The following SKAP1 variants were observed in gnomAD, a reference collection of about 807,000 sequenced individuals.
The protein encoded by SKAP1 is src kinase associated phosphoprotein 1.
In SKAP1, 44 loss-of-function variants were observed where a neutral mutation model predicts 58.5. The ratio of observed to expected loss-of-function variants is 0.75; its 90% CI spans 0.59 to 0.97. SKAP1 has a LOEUF of 0.97. SKAP1 is among the 50% of genes least tolerant of loss of function. The pLI is 0.00. For missense variants in SKAP1, 390 were observed against 435.2 expected (o/e 0.90, Z 0.92); for synonymous variants, 127 against 149.7 (o/e 0.85, Z 1.11).
chr17:48,405,395 T>C (rs902547274), intron 1 of SKAP1, among the ~76,000 whole-genome samples: 4 of 38,454 alleles, frequency 1.0e-4, no homozygotes, highest in Admixed American at 9.4e-4. Flanking sequence ...TCTCTTTCCT[T>C]TCTTTCTTTC....
rs190747405 is a variant in SKAP1 at position 48,147,497 on chromosome 17, C to T, written c.979-10160G>A. ...CATACCCTATGAAATAAATTAAGGG[C>T]TCCAAATCAGCATCCTTCTAACTGC... On this transcript the variant is annotated intron_variant, in intron 11 of 12. Transcript: ENST00000336915. Among the ~76,000 whole-genome samples the T allele has an allele frequency of 9.5e-4, 144 of 152,264 alleles. 1 individual carries two copies. Among genetic ancestry groups the T allele is most frequent in the African/African-American group, 2.7e-3 (114 of 41,548 alleles).
intron 4 of SKAP1, among the ~76,000 whole-genome samples, chr17:48,239,314 A>G (rs2065217435): frequency 6.6e-6 from 1 of 152,308 alleles, no homozygotes; most frequent in African/African-American, 2.4e-5. Context: ...CTCCTCCTGA[A>G]TAAAAAGGGG....
intron 2 of SKAP1, among the ~76,000 whole-genome samples, chr17:48,367,550 G>GGATATATATCCATATATATATATATA (rs2067022661): frequency 7.3e-6 from 1 of 136,174 alleles, no homozygotes; most frequent in Non-Finnish European, 1.6e-5. Flanking sequence ...ATATATATAT[G>GGATATATATCCATATATATATATATA]GATATATATC....
At chr17:48,303,917 A>T (rs2066098744) in intron 4 of SKAP1, among the ~76,000 whole-genome samples, 1 of 152,196 alleles carries the variant, frequency 6.6e-6, no homozygotes. Flanking sequence ...ATAACTGGGG[A>T]TTATACACAG....
chr17:48,206,576 C>G (rs1158578151), intron 4 of SKAP1, among the ~76,000 whole-genome samples: 1 of 151,918 alleles, frequency 6.6e-6, no homozygotes, highest in Non-Finnish European at 1.5e-5. Context: ...TAACCACACT[C>G]GAAACATGAA....
chr17:48,247,216 C>T (rs534302749), intron 4 of SKAP1, among the ~76,000 whole-genome samples: 1 of 152,290 alleles, frequency 6.6e-6, no homozygotes, highest in African/African-American at 2.4e-5. Flanking sequence ...AAGTAGGAGA[C>T]CAAACCCTGC....
chr17:48,150,198 A>G (rs2063883909), intron 11 of SKAP1, among the ~76,000 whole-genome samples: 1 of 152,220 alleles, frequency 6.6e-6, no homozygotes, highest in Non-Finnish European at 1.5e-5. Context: ...CCATTATCCA[A>G]ATATCTTTAT....
chr17:48,292,974 A>T (rs1006187499), intron 4 of SKAP1, among the ~76,000 whole-genome samples: 7 of 152,184 alleles, frequency 4.6e-5, no homozygotes, highest in African/African-American at 9.6e-5. Flanking sequence ...GACAATTTTT[A>T]AAAAAGCACA....
Position 48,226,968 on chromosome 17 carries a change from C to A in SKAP1, c.281-37468G>T, listed in dbSNP as rs78242817. Among the ~76,000 whole-genome samples, 617 of 152,302 alleles carry A rather than the reference C, an allele frequency of 4.1e-3. 4 individuals carry two copies. Among genetic ancestry groups the A allele is most frequent in the African/African-American group, 0.014 (580 of 41,566 alleles). On this transcript the variant is annotated intron_variant, in intron 4 of 12. Coordinates refer to ENST00000336915, the MANE Select transcript of SKAP1 (RefSeq NM_003726.4). ...ACCTTCCAGTTTGCCTGGACTTGAGCTTCCTGTCTTGCCTCACCCTTTAGT... is the reference window on the plus strand; with the variant it reads ...ACCTTCCAGTTTGCCTGGACTTGAGATTCCTGTCTTGCCTCACCCTTTAGT...
At chr17:48,162,817 A>G in intron 10 of SKAP1, 3 of 284,162 alleles carry the variant, frequency 1.1e-5, no homozygotes, top group Non-Finnish European at 1.9e-5. Flanking sequence ...TATGATAAAT[A>G]TATTTATTTA....
intron 4 of SKAP1, among the ~76,000 whole-genome samples, chr17:48,195,965 CAA>C (rs1567815861): frequency 3.3e-5 from 5 of 152,060 alleles, no homozygotes. Flanking sequence ...AGATAATAAA[CAA>C]AATAATTAAA....
intron 4 of SKAP1, among the ~76,000 whole-genome samples, chr17:48,285,804 C>T (rs928621841): frequency 2.0e-5 from 3 of 152,124 alleles, no homozygotes; most frequent in African/African-American, 7.2e-5. Flanking sequence ...TTAATCTGTT[C>T]CTTGTTTTCT....
chr17:48,253,367 AG>A (rs1249261655), intron 4 of SKAP1, among the ~76,000 whole-genome samples: 3 of 152,196 alleles, frequency 2.0e-5, no homozygotes, highest in Non-Finnish European at 4.4e-5. Context: ...GGAGAAGGAA[AG>A]ATAAATGTAA....
In SKAP1 at chr17:48,385,150, C is replaced by T. The variant is rs112153549; in HGVS notation, c.152+11530G>A. ...AAGACCAAATAAGACAAAGACTTAA[C>T]AGTAGCACCTGGCTGTGGCAATTGG... On this transcript the variant is annotated intron_variant, in intron 2 of 12. Coordinates refer to ENST00000336915, the MANE Select transcript of SKAP1 (RefSeq NM_003726.4). Among the ~76,000 whole-genome samples, 613 of 152,212 alleles carry T rather than the reference C, an allele frequency of 4.0e-3. 8 individuals are homozygous for T. The highest frequency in any genetic ancestry group is 0.014 in the African/African-American group (587 of 41,528).
chr17:48,364,304 A>G (rs549181094), intron 2 of SKAP1, among the ~76,000 whole-genome samples: 5 of 152,212 alleles, frequency 3.3e-5, no homozygotes, highest in South Asian at 2.1e-4. Flanking sequence ...CCCAGGCTGG[A>G]GTACAGTGAC....
intron 6 of SKAP1, among the ~76,000 whole-genome samples, chr17:48,186,962 C>T (rs543838997): frequency 1.3e-5 from 2 of 152,150 alleles, no homozygotes; most frequent in Non-Finnish European, 2.9e-5. Flanking sequence ...GGCCTCTGTA[C>T]GAAGGTGCAC....
At chr17:48,413,343 T>C (rs760112501) in intron 1 of SKAP1, among the ~76,000 whole-genome samples, 8 of 150,542 alleles carry the variant, frequency 5.3e-5, no homozygotes, top group Admixed American at 1.3e-4. Context: ...GGAGAAACCC[T>C]GTCTCCACTA....
intron 3 of SKAP1, among the ~76,000 whole-genome samples, chr17:48,350,391 C>T (rs939035197): frequency 1.3e-5 from 2 of 152,154 alleles, no homozygotes; most frequent in South Asian, 2.1e-4. Context: ...GTTTATATGG[C>T]GTGGTTAAAA....
intron 5 of SKAP1, among the ~76,000 whole-genome samples, chr17:48,188,649 G>C (rs2064492010): frequency 6.6e-6 from 1 of 151,346 alleles, no homozygotes; most frequent in East Asian, 2.0e-4. Flanking sequence ...TGGCGCTACT[G>C]TATTCCAGCC....
Sources: gnomAD v4.1 joint callset for allele counts (sites outside exome capture counted in the v4.1 genomes callset) on GRCh38, gnomAD v4.1.1 for gene constraint, MANE v1.5 for transcripts, NCBI Gene and HGNC (gene_info 2026-07-23, HGNC 2026-07-21) for gene names.